The following SLC6A6 variants were observed in gnomAD, a reference collection of about 807,000 sequenced individuals.
The protein encoded by SLC6A6 is solute carrier family 6 member 6.
Under a neutral mutation model 68.8 loss-of-function variants are expected in SLC6A6, and 16 were observed. The ratio of observed to expected loss-of-function variants is 0.23; its 90% CI spans 0.16 to 0.35. SLC6A6 has a LOEUF of 0.35. Among genes scored for constraint, SLC6A6 ranks in the 10% least tolerant of loss-of-function variants. The pLI, the probability that SLC6A6 is intolerant of heterozygous loss-of-function variation, is 1.00. For missense variants in SLC6A6, 474 were observed against 802.8 expected (o/e 0.59, Z 4.95); for synonymous variants, 312 against 315.4 (o/e 0.99, Z 0.12).
chr3:14,474,726 CTG>C (rs1461825699), intron 10 of SLC6A6, among the ~76,000 whole-genome samples: 2 of 152,242 alleles, frequency 1.3e-5, no homozygotes, highest in South Asian at 2.1e-4. Flanking sequence ...TCTGCAGAAA[CTG>C]TCTCTTACCT....
At chr3:14,455,542 G>A (rs1001117186) in intron 5 of SLC6A6, among the ~76,000 whole-genome samples, 17 of 152,354 alleles carry the variant, frequency 1.1e-4, no homozygotes, top group Middle Eastern at 3.4e-3. Flanking sequence ...TTTCCCCAGC[G>A]TGGGACAGGA....
In SLC6A6 at chr3:14,417,625, G is replaced by A. The variant is rs59077406; in HGVS notation, c.-12+1172G>A. ...CGGGCGCCTGTAGTTCCAGCTACTC[G>A]GGAGGCTGAGGCAGGAGAATGGCGT... On this transcript the variant is annotated intron_variant, in intron 2 of 14. Transcript: ENST00000622186. Among the ~76,000 whole-genome samples the A allele has an allele frequency of 3.1e-3, 468 of 152,174 alleles. 4 individuals are homozygous for A. The highest frequency in any genetic ancestry group is 0.011 in the African/African-American group (449 of 41,518).
At position 14,443,781 on chromosome 3, in the gene SLC6A6, C is replaced by T. The variant is rs764227084; in HGVS notation, c.147C>T (p.Asp49=). The change falls in exon 3 of 15, where the codon GAC becomes GAT. Residue 49 remains aspartate (D), a synonymous_variant. Transcript: ENST00000622186. ...PQREKWSSKI[D]FVLSVAGGFV... ...GGGAGAAGTGGTCTAGCAAGATCGA[C>T]TTTGTGCTCTCTGTGGCTGGCGGCT... 3.7e-6 allele frequency: 6 copies of T among 1,614,216 alleles called. No individual in the cohort carries two copies. The South Asian group carries it at 6.6e-5, about 18-fold the overall frequency.
rs992432052 is a variant in SLC6A6, at chr3:14,468,899, C to T, written c.1096+687C>T. ...GGAGGATGCCAGTGGCTTAGAATCA[C>T]GGACTCTGCACAGACGGGGAACTTA... On this transcript the variant is annotated intron_variant, in intron 9 of 14. Coordinates refer to ENST00000622186, the MANE Select transcript of SLC6A6 (RefSeq NM_003043.6). This position sits in a 1 kb window ranked among gnomAD's most constrained non-coding sequence, Gnocchi z 4.5. Among the ~76,000 whole-genome samples, 3 of 152,076 alleles carry T rather than the reference C, an allele frequency of 2.0e-5. No homozygotes were observed. Among genetic ancestry groups the T allele is most frequent in the Non-Finnish European group, 4.4e-5 (3 of 67,994 alleles).
rs567973235 is a variant in SLC6A6, at chr3:14,450,087, A to C, written c.599+2271A>C. On this transcript the variant is annotated intron_variant, in intron 5 of 14. Transcript: ENST00000622186. This position sits in a 1 kb window ranked among gnomAD's most constrained non-coding sequence, Gnocchi z 4.1. ...TATTTATCGAGTGCCCTCATAGTGC[A>C]TAAAACTACCCCTCAGGGCAGTTTC... Among the ~76,000 whole-genome samples, 1 of 152,142 alleles carries C rather than the reference A, an allele frequency of 6.6e-6. No individual in the cohort carries two copies. The highest frequency in any genetic ancestry group is 1.5e-5 in the Non-Finnish European group (1 of 68,020).
intron 5 of SLC6A6, among the ~76,000 whole-genome samples, chr3:14,454,839 A>T (rs1439543887): frequency 6.6e-6 from 1 of 152,112 alleles, no homozygotes; most frequent in Non-Finnish European, 1.5e-5. Context: ...TTCAAGTACA[A>T]ATGTGTCTCT....
At chr3:14,410,757 T>C (rs1275827104) in intron 1 of SLC6A6, among the ~76,000 whole-genome samples, 1 of 152,242 alleles carries the variant, frequency 6.6e-6, no homozygotes, top group Non-Finnish European at 1.5e-5. Context: ...TCCAGGACTT[T>C]TCTTTGCACA....
chr3:14,439,906 ATCACGG>A (rs1699942598), intron 2 of SLC6A6, among the ~76,000 whole-genome samples: 1 of 152,158 alleles, frequency 6.6e-6, no homozygotes, highest in African/African-American at 2.4e-5. Flanking sequence ...GTTTGGATAC[ATCACGG>A]TCACTGTTAC....
At chr3:14,432,053 GAC>G (rs1358520440) in intron 2 of SLC6A6, among the ~76,000 whole-genome samples, 1 of 152,174 alleles carries the variant, frequency 6.6e-6, no homozygotes. Flanking sequence ...GAGCCACAGT[GAC>G]AGAGTTGGGG....
intron 2 of SLC6A6, among the ~76,000 whole-genome samples, chr3:14,437,146 T>C (rs1699876015): frequency 6.6e-6 from 1 of 152,232 alleles, no homozygotes; most frequent in Admixed American, 6.5e-5. Flanking sequence ...GGGGATTAGC[T>C]AAGAAAATGA....
chr3:14,469,898 T>C (rs566536148), intron 9 of SLC6A6, among the ~76,000 whole-genome samples: 71 of 152,216 alleles, frequency 4.7e-4, no homozygotes, highest in African/African-American at 1.6e-3. Flanking sequence ...GACCCTCAGA[T>C]GTACTGTTCC....
At chr3:14,434,675 C>T (rs1421868827) in intron 2 of SLC6A6, among the ~76,000 whole-genome samples, 4 of 152,198 alleles carry the variant, frequency 2.6e-5, no homozygotes, top group East Asian at 3.9e-4. Context: ...CTGTGGGGCA[C>T]CTCCGTTTGG....
chr3:14,456,178 A>G (rs1345549003), intron 5 of SLC6A6, among the ~76,000 whole-genome samples: 4 of 152,222 alleles, frequency 2.6e-5, no homozygotes, highest in African/African-American at 9.6e-5. Context: ...AGATAAACTG[A>G]AAAGGCCTTG....
chr3:14,420,618 G>A (rs533256089), intron 2 of SLC6A6, among the ~76,000 whole-genome samples: 109 of 151,646 alleles, frequency 7.2e-4, no homozygotes, highest in African/African-American at 2.6e-3. Flanking sequence ...AGCCTCCTGA[G>A]TACCTGGGAT....
intron 4 of SLC6A6, among the ~76,000 whole-genome samples, chr3:14,446,926 G>A (rs771702616): frequency 2.0e-5 from 3 of 152,130 alleles, no homozygotes; most frequent in South Asian, 2.1e-4. Flanking sequence ...GGTCATCCAC[G>A]TAAATCCATT....
Position 14,458,037 on chromosome 3 carries a change from A to G in SLC6A6, c.687A>G (p.Leu229=). 6.2e-7 allele frequency: 1 copy of G among 1,613,758 alleles called. No homozygotes were observed. Among genetic ancestry groups the G allele is most frequent in the Non-Finnish European group, 8.5e-7 (1 of 1,179,712 alleles). ...DLALCLLLVW[L]VCFFCIWKGV... ...CTCTCTGCCTTCTTTTAGTCTGGCT[A>G]GTGTGTTTCTTCTGCATCTGGAAGG... is the stretch of plus-strand genomic sequence containing the variant. The change falls in exon 6 of 15, where the codon CTA becomes CTG. Residue 229 remains leucine (L), a synonymous_variant. Transcript: ENST00000622186.
At chr3:14,464,552 C>T (rs1043422268) in intron 6 of SLC6A6, among the ~76,000 whole-genome samples, 2 of 152,182 alleles carry the variant, frequency 1.3e-5, no homozygotes, top group Non-Finnish European at 2.9e-5. Context: ...GCCCTGAAAG[C>T]TTCCTTTTTG....
chr3:14,405,929 G>A (rs1289214875), intron 1 of SLC6A6, among the ~76,000 whole-genome samples: 4 of 152,144 alleles, frequency 2.6e-5, no homozygotes, highest in Non-Finnish European at 4.4e-5. Context: ...AAGACCCAAG[G>A]AGCAGCTGAG....
intron 2 of SLC6A6, among the ~76,000 whole-genome samples, chr3:14,418,531 G>T (rs538081466): frequency 1.3e-5 from 2 of 152,168 alleles, no homozygotes; most frequent in Admixed American, 6.5e-5. Flanking sequence ...CCTACTCGAC[G>T]TCAGCCTCCA....
Sources: allele counts gnomAD v4.1 joint callset (sites outside exome capture counted in the v4.1 genomes callset), GRCh38; gene constraint gnomAD v4.1.1; non-coding constraint Gnocchi (gnomAD v3.1); transcripts MANE v1.5; gene names NCBI Gene and HGNC (gene_info 2026-07-23, HGNC 2026-07-21).